The following DIPK1A variants were observed in gnomAD, a reference collection of about 807,000 sequenced individuals.
DIPK1A encodes divergent protein kinase domain 1A.
A neutral mutation model predicts 40.8 loss-of-function variants in DIPK1A; 27 were observed. The observed-to-expected ratio is 0.66, with a 90% CI of 0.49 to 0.91. The LOEUF is 0.91. Ranked by LOEUF, DIPK1A falls within the 40% of genes least tolerant of loss-of-function variation. DIPK1A has a pLI of 0.00. For synonymous variants in DIPK1A, 166 were observed against 171.3 expected (o/e 0.97, Z 0.24); for missense variants, 412 against 505.7 (o/e 0.81, Z 1.78).
At chr1:92,960,593 G>A (rs1652032786) in intron 1 of DIPK1A, among the ~76,000 whole-genome samples, 1 of 152,152 alleles carries the variant, frequency 6.6e-6, no homozygotes, top group South Asian at 2.1e-4. Context: ...GACTGGCAGC[G>A]GAACAGAGGG....
chr1:92,851,222 G>T (rs1358136170), intron 2 of DIPK1A, among the ~76,000 whole-genome samples: 1 of 151,954 alleles, frequency 6.6e-6, no homozygotes, highest in East Asian at 1.9e-4. Flanking sequence ...CTCCTTCCAA[G>T]AATAGAGGCA....
At chr1:92,848,667 T>C (rs184309259) in intron 3 of DIPK1A, among the ~76,000 whole-genome samples, 6 of 152,282 alleles carry the variant, frequency 3.9e-5, no homozygotes, top group African/African-American at 9.6e-5. Context: ...AAAATTATCA[T>C]ATTTATTTAT....
At chr1:92,842,131 A>G, downstream of DIPK1A, 1 of 965,318 alleles carries the variant, frequency 1.0e-6, no homozygotes, top group Non-Finnish European at 1.3e-6. Flanking sequence ...TCTCCCTAAA[A>G]ATTTGGCAAG....
intron 1 of DIPK1A, among the ~76,000 whole-genome samples, chr1:92,928,614 T>C (rs1465699992): frequency 2.0e-5 from 3 of 152,240 alleles, no homozygotes; most frequent in Non-Finnish European, 4.4e-5. Flanking sequence ...CTTGTTTTTA[T>C]CTGAAAAATG....
downstream of DIPK1A, chr1:92,840,851 C>CT (rs745713260): frequency 4.4e-6 from 3 of 682,578 alleles, no homozygotes; most frequent in African/African-American, 1.7e-5. Context: ...CTAGTACAGT[C>CT]TAAGTACTGG....
chr1:92,843,734 A>G lies in DIPK1A; in HGVS notation c.936T>C (p.Asp312=). 1 of 1,551,646 alleles carries G rather than the reference A, an allele frequency of 6.4e-7. No homozygotes were observed. The highest frequency in any genetic ancestry group is 1.2e-5 in the South Asian group (1 of 84,058). The stretch of plus-strand genomic sequence containing the variant: ...TTGTCTCTGGCACAATTTTTCTCAT[A>G]TCCACCATTTTCAAATCATACTTAT... ...YNDKYDLKMV[D]MRKIVPETNL... is the part of the protein sequence containing the mutation. The change falls in exon 5 of 5, where the codon GAT becomes GAC. Residue 312 remains aspartate (D), a synonymous_variant. Coordinates refer to ENST00000370310, the MANE Select transcript of DIPK1A (RefSeq NM_001006605.5).
At chr1:92,875,310 G>C (rs1049512440) in intron 2 of DIPK1A, among the ~76,000 whole-genome samples, 3 of 152,056 alleles carry the variant, frequency 2.0e-5, no homozygotes, top group Non-Finnish European at 4.4e-5. Context: ...GTAAAGAGTA[G>C]CTACTCAACA....
At chr1:92,883,256 G>A (rs539538105) in intron 1 of DIPK1A, among the ~76,000 whole-genome samples, 1 of 152,296 alleles carries the variant, frequency 6.6e-6, no homozygotes, top group African/African-American at 2.4e-5. Flanking sequence ...GAGCATATAG[G>A]AGGAAGATGC....
chr1:92,873,116 A>C (rs1050209869), intron 2 of DIPK1A, among the ~76,000 whole-genome samples: 6 of 152,184 alleles, frequency 3.9e-5, no homozygotes, highest in African/African-American at 1.4e-4. Flanking sequence ...TCAGCTCACC[A>C]TTCTGAGATT....
At chr1:92,874,852 T>C (rs1648041525) in intron 2 of DIPK1A, among the ~76,000 whole-genome samples, 1 of 152,210 alleles carries the variant, frequency 6.6e-6, no homozygotes, top group South Asian at 2.1e-4. Flanking sequence ...CTCTGGGTCA[T>C]AGTTCTTTAT....
At chr1:92,929,734 G>A (rs1054230689) in intron 1 of DIPK1A, among the ~76,000 whole-genome samples, 1 of 152,166 alleles carries the variant, frequency 6.6e-6, no homozygotes, top group Non-Finnish European at 1.5e-5. Context: ...GTTAGTGTGA[G>A]TAATCTATTA....
intron 2 of DIPK1A, among the ~76,000 whole-genome samples, chr1:92,852,290 G>C (rs1332598273): frequency 6.6e-6 from 1 of 152,194 alleles, no homozygotes; most frequent in Non-Finnish European, 1.5e-5. Flanking sequence ...CCTGAGGTCA[G>C]GAGTTCGAGA....
At chr1:92,844,554 A>G (rs1042476141) in intron 4 of DIPK1A, among the ~76,000 whole-genome samples, 2 of 152,180 alleles carry the variant, frequency 1.3e-5, no homozygotes, top group Non-Finnish European at 2.9e-5. Flanking sequence ...ATTGTACTGT[A>G]ATGTACTTAC....
At chr1:92,961,342 C>G in intron 1 of DIPK1A, 34 bp downstream of exon 1, 1 of 1,477,992 alleles carries the variant, frequency 6.8e-7, no homozygotes, top group Non-Finnish European at 9.0e-7. Flanking sequence ...GCCGGGTGCT[C>G]CCGCAGCTGG....
At position 92,843,768 on chromosome 1, in the gene DIPK1A, C is replaced by T. The variant is rs1249631001; in HGVS notation, c.902G>A (p.Gly301Glu). ...TTTCAAATCATACTTATCATTATATCCTAGGTTTTTGGCACTAGTATCGCA... is the reference window on the plus strand; with the variant it reads ...TTTCAAATCATACTTATCATTATATTCTAGGTTTTTGGCACTAGTATCGCA... Reference protein sequence around the residue: ...LMCDTSAKNLGYNDKYDLKMV... With the variant: ...LMCDTSAKNLEYNDKYDLKMV... Residue 301 changes from glycine (G) to glutamate (E), a missense_variant, in exon 5 of 5, where the codon GGA becomes GAA. Physicochemically the swap from Gly to Glu is moderately conservative, Grantham distance 98 (BLOSUM62 -2). Transcript: ENST00000370310. 1.3e-6 allele frequency: 2 copies of T among 1,551,814 alleles called. No homozygotes were observed. The highest frequency in any genetic ancestry group is 8.7e-7 in the Non-Finnish European group (1 of 1,147,012).
At chr1:92,919,177 A>G (rs770267128) in intron 1 of DIPK1A, among the ~76,000 whole-genome samples, 5 of 152,216 alleles carry the variant, frequency 3.3e-5, no homozygotes, top group Non-Finnish European at 7.3e-5. Flanking sequence ...TAGCTAGATG[A>G]CCACAGAACT....
intron 1 of DIPK1A, among the ~76,000 whole-genome samples, chr1:92,881,389 CT>C (rs1449249266): frequency 6.9e-6 from 1 of 144,136 alleles, no homozygotes; most frequent in African/African-American, 2.5e-5. Context: ...CATTCTTAAT[CT>C]TTTTAAGAGG....
At chr1:92,954,376 T>C (rs1385592809) in intron 1 of DIPK1A, among the ~76,000 whole-genome samples, 6 of 6,476 alleles carry the variant, frequency 9.3e-4, no homozygotes, top group African/African-American at 1.7e-3. Context: ...CTTTCTTTTT[T>C]TTTTTTTTTT....
intron 2 of DIPK1A, among the ~76,000 whole-genome samples, chr1:92,868,965 TAA>T (rs33962424): frequency 1.5e-5 from 2 of 136,666 alleles, no homozygotes; most frequent in African/African-American, 2.8e-5. Context: ...GACTCAATCT[TAA>T]AAAAAAAAAA....
Sources: gnomAD v4.1 joint callset for allele counts (sites outside exome capture counted in the v4.1 genomes callset) on GRCh38, gnomAD v4.1.1 for gene constraint, MANE v1.5 for transcripts, NCBI Gene and HGNC (gene_info 2026-07-23, HGNC 2026-07-21) for gene names.